Variants in PTPRD observed in about 807,000 individuals in gnomAD.
PTPRD encodes receptor-type tyrosine-protein phosphatase delta.
PTPRD carries 34 observed loss-of-function variants against 214.5 expected under a neutral mutation model. That is an observed-to-expected ratio of 0.16 (90% confidence interval 0.12 to 0.21). The LOEUF is 0.21. Among genes scored for constraint, PTPRD ranks in the 10% least tolerant of loss-of-function variants. The probability of loss-of-function intolerance (pLI) is 1.00; values close to 1 mark genes in which losing one functional copy is unlikely to be tolerated. For missense variants in PTPRD, 2,545 were observed against 2,398.7 expected (o/e 1.06, Z -1.27); for synonymous variants, 1,128 against 845.7 (o/e 1.33, Z -5.79).
At chr9:9,310,656 G>A (rs887486085) in intron 9 of PTPRD, among the ~76,000 whole-genome samples, 7 of 152,020 alleles carry the variant, frequency 4.6e-5, no homozygotes, top group African/African-American at 7.2e-5. Context: ...GGTGGCTCGC[G>A]CCTGTAATCC....
intron 7 of PTPRD, among the ~76,000 whole-genome samples, chr9:9,629,238 G>GTGTGTATATA (rs149327972): frequency 5.7e-5 from 8 of 140,370 alleles, no homozygotes; most frequent in African/African-American, 2.3e-4. Context: ...GTGTGTGTGT[G>GTGTGTATATA]TATATATATA....
chr9:10,293,760 A>T (rs1473353315), intron 3 of PTPRD, among the ~76,000 whole-genome samples: 1 of 151,950 alleles, frequency 6.6e-6, no homozygotes, highest in Non-Finnish European at 1.5e-5. Context: ...TCTAGCCTTC[A>T]TTGGTGGAAA....
intron 8 of PTPRD, among the ~76,000 whole-genome samples, chr9:9,442,930 T>G (rs2088751079): frequency 6.6e-6 from 1 of 152,190 alleles, no homozygotes; most frequent in South Asian, 2.1e-4. Context: ...ACATGTAACA[T>G]GTATGTTTAC....
At chr9:9,064,258 C>T (rs1165731384) in intron 10 of PTPRD, among the ~76,000 whole-genome samples, 1 of 152,070 alleles carries the variant, frequency 6.6e-6, no homozygotes, top group Non-Finnish European at 1.5e-5. Context: ...TTTAAAGATA[C>T]TATGTTTAGC....
chr9:9,548,405 C>CTTTTTTTTTT (rs1157663823), intron 8 of PTPRD, among the ~76,000 whole-genome samples: 4 of 118,518 alleles, frequency 3.4e-5, no homozygotes, highest in African/African-American at 3.1e-5. Flanking sequence ...GACTTTTTTT[C>CTTTTTTTTTT]TTTTTTTTTT....
chr9:10,294,429 G>C (rs2095616694), intron 3 of PTPRD, among the ~76,000 whole-genome samples: 1 of 151,926 alleles, frequency 6.6e-6, no homozygotes, highest in Non-Finnish European at 1.5e-5. Context: ...ATTATTTTAT[G>C]TGGTGCTTTC....
chr9:9,229,798 G>C (rs186860013), intron 9 of PTPRD, among the ~76,000 whole-genome samples: 53 of 152,224 alleles, frequency 3.5e-4, no homozygotes, highest in Non-Finnish European at 6.9e-4. Context: ...GAGCAGGCAT[G>C]ATGAGATATG....
intron 2 of PTPRD, among the ~76,000 whole-genome samples, chr9:10,426,721 G>A (rs987821578): frequency 1.8e-4 from 27 of 152,048 alleles, no homozygotes; most frequent in African/African-American, 6.3e-4. Flanking sequence ...TTTACCTGAA[G>A]TGGACTATAG....
intron 8 of PTPRD, among the ~76,000 whole-genome samples, chr9:9,437,613 C>G (rs907369925): frequency 9.9e-5 from 15 of 152,158 alleles, no homozygotes; most frequent in African/African-American, 3.6e-4. Context: ...TTCTTGGGAT[C>G]AGCTGAACTT....
chr9:9,909,394 G>A (rs1030854170), intron 5 of PTPRD, among the ~76,000 whole-genome samples: 1 of 149,742 alleles, frequency 6.7e-6, no homozygotes, highest in Non-Finnish European at 1.5e-5. Flanking sequence ...CTGCTAGGAA[G>A]TAATATTGGA....
intron 5 of PTPRD, among the ~76,000 whole-genome samples, chr9:9,877,673 A>C (rs1161831554): frequency 6.6e-6 from 1 of 152,068 alleles, no homozygotes; most frequent in Non-Finnish European, 1.5e-5. Flanking sequence ...TTAAGTGTAC[A>C]AACTCTTGAA....
intron 5 of PTPRD, among the ~76,000 whole-genome samples, chr9:9,797,663 T>C (rs186232636): frequency 1.3e-5 from 2 of 152,070 alleles, no homozygotes; most frequent in African/African-American, 2.4e-5. Flanking sequence ...CTGACCAATA[T>C]GGTGAAACCC....
intron 9 of PTPRD, among the ~76,000 whole-genome samples, chr9:9,256,404 T>G (rs1469900534): frequency 3.9e-5 from 6 of 152,050 alleles, no homozygotes; most frequent in African/African-American, 1.4e-4. Context: ...TCCTTACATT[T>G]TTTTTCTCTC....
At chr9:9,845,599 G>T (rs2059380016) in intron 5 of PTPRD, among the ~76,000 whole-genome samples, 1 of 151,824 alleles carries the variant, frequency 6.6e-6, no homozygotes, top group Admixed American at 6.6e-5. Context: ...TTCAGTTAGT[G>T]GTGATATTCA....
chr9:8,811,324 T>C (rs1182452013), intron 11 of PTPRD, among the ~76,000 whole-genome samples: 1 of 151,986 alleles, frequency 6.6e-6, no homozygotes, highest in Non-Finnish European at 1.5e-5. Context: ...AACTTCACCA[T>C]TTATAGTCAA....
chr9:9,585,056 C>A (rs1266540003), intron 7 of PTPRD, among the ~76,000 whole-genome samples: 1 of 152,050 alleles, frequency 6.6e-6, no homozygotes, highest in Non-Finnish European at 1.5e-5. Flanking sequence ...ATAAAATTCT[C>A]TTTTTCCAGG....
chr9:9,951,723 A>T lies in PTPRD; in HGVS notation c.-471-13113T>A, dbSNP rs181703182. On this transcript the variant is annotated intron_variant, in intron 4 of 45. Transcript: ENST00000381196. ...AGGGTGAGGTTTCAGTATACTTTGA[A>T]CGGGGAAGTATAATTCTGCATCAGG... 2.0e-5 allele frequency among the ~76,000 whole-genome samples: 3 copies of T among 152,372 alleles called. No homozygotes were observed. In the East Asian group the frequency reaches 5.8e-4, roughly 29 times the overall value.
chr9:8,538,083 A>G (rs2077389568), intron 14 of PTPRD, among the ~76,000 whole-genome samples: 1 of 151,970 alleles, frequency 6.6e-6, no homozygotes, highest in Non-Finnish European at 1.5e-5. Context: ...AAACACATTT[A>G]TTCCCTTCTT....
chr9:9,487,222 A>T (rs1006694810), intron 8 of PTPRD, among the ~76,000 whole-genome samples: 6 of 135,976 alleles, frequency 4.4e-5, no homozygotes, highest in African/African-American at 1.7e-4. Flanking sequence ...CCCCCCACCC[A>T]ACAACAGTCC....
Sources: gnomAD v4.1 joint callset for allele counts (sites outside exome capture counted in the v4.1 genomes callset) on GRCh38, gnomAD v4.1.1 for gene constraint, MANE v1.5 for transcripts, NCBI Gene and HGNC (gene_info 2026-07-23, HGNC 2026-07-21) for gene names.